The following SMOC2 variants were observed in gnomAD, a reference collection of about 807,000 sequenced individuals.
SMOC2 encodes the protein SPARC related modular calcium binding 2, also known as SPARC-related modular calcium-binding protein 2.
Under a neutral mutation model 61.4 loss-of-function variants are expected in SMOC2, and 39 were observed. The ratio of observed to expected loss-of-function variants is 0.64; its 90% CI spans 0.49 to 0.83. The LOEUF (loss-of-function observed/expected upper bound fraction) is 0.83. Ranked by LOEUF, SMOC2 falls within the 40% of genes least tolerant of loss-of-function variation. The probability of loss-of-function intolerance (pLI) is 0.00; values close to 1 mark genes in which losing one functional copy is unlikely to be tolerated. For synonymous variants in SMOC2, 247 were observed against 239.9 expected (o/e 1.03, Z -0.27); for missense variants, 556 against 592.9 (o/e 0.94, Z 0.65).
chr6:168,579,244 T>G (rs912864378), intron 7 of SMOC2, among the ~76,000 whole-genome samples: 1 of 142,304 alleles, frequency 7.0e-6, no homozygotes, highest in Non-Finnish European at 1.6e-5. Context: ...TGTTTCCTTT[T>G]TCTCATCTTA....
At chr6:168,595,062 G>T (rs867712968) in intron 7 of SMOC2, among the ~76,000 whole-genome samples, 6 of 88,536 alleles carry the variant, frequency 6.8e-5, no homozygotes, top group Admixed American at 2.4e-4. Context: ...CTAGAGGATG[G>T]CCGAGCTCCT....
chr6:168,558,141 T>C (rs572345659), intron 7 of SMOC2, among the ~76,000 whole-genome samples: 1 of 152,320 alleles, frequency 6.6e-6, no homozygotes, highest in African/African-American at 2.4e-5. Context: ...AGAAGCTCTC[T>C]CAGGCTCACA....
intron 7 of SMOC2, among the ~76,000 whole-genome samples, chr6:168,568,261 T>C (rs951050972): frequency 2.0e-5 from 3 of 152,212 alleles, no homozygotes; most frequent in African/African-American, 7.2e-5. Context: ...TCTTCTCATG[T>C]CTTCTCCTCA....
Position 168,465,793 on chromosome 6 carries a change from G to A in SMOC2, c.84+24339G>A, listed in dbSNP as rs371807484. Among the ~76,000 whole-genome samples the A allele has an allele frequency of 1.2e-3, 175 of 144,418 alleles. 3 individuals are homozygous for A. The South Asian group carries it at 0.038, about 32-fold the overall frequency. The allele number at this position is 144,418 out of a possible 152,430, so 94.7% of individuals were successfully genotyped here. A position where few individuals can be genotyped will look rare whatever the true frequency, so the allele number is the denominator to read the frequency against. The stretch of plus-strand genomic sequence containing the variant: ...TGCTGCTCTGAGAGCTGGAACTGGG[G>A]GCTCTGGATGAAGTGAGGTGCTGCT... On this transcript the variant is annotated intron_variant, in intron 1 of 12. Transcript: ENST00000356284.
intron 7 of SMOC2, among the ~76,000 whole-genome samples, chr6:168,581,964 C>G (rs562595175): frequency 6.6e-6 from 1 of 152,282 alleles, no homozygotes; most frequent in South Asian, 2.1e-4. Flanking sequence ...GTGGCCTGCC[C>G]CACCATCCCC....
At chr6:168,441,529 C>T (rs760809102) in intron 1 of SMOC2, 75 bp downstream of exon 1, 139 of 1,414,092 alleles carry the variant, frequency 9.8e-5, no homozygotes, top group Non-Finnish European at 1.2e-4. Context: ...GGTCCCCGCG[C>T]CCCGCTCCAG....
At position 168,628,960 on chromosome 6, in the gene SMOC2, C is replaced by T. The variant is rs141185839; in HGVS notation, c.907+20721C>T. ...CCCTGAGAGGGAAGGGCAGGGGGCC[C>T]GGGACATGGGCTGCGCAGGGGTTCC... is the stretch of plus-strand genomic sequence containing the variant. On this transcript the variant is annotated intron_variant, in intron 9 of 12. Coordinates refer to ENST00000356284, the MANE Select transcript of SMOC2 (RefSeq NM_001166412.2). Among the ~76,000 whole-genome samples the T allele has an allele frequency of 1.5e-3, 234 of 152,344 alleles. 1 individual carries two copies. Among genetic ancestry groups the T allele is most frequent in the African/African-American group, 5.2e-3 (215 of 41,594 alleles).
intron 7 of SMOC2, among the ~76,000 whole-genome samples, chr6:168,579,569 T>C (rs1784879559): frequency 6.6e-6 from 1 of 152,274 alleles, no homozygotes; most frequent in South Asian, 2.1e-4. Flanking sequence ...GTCGCATTTC[T>C]GTAGCACTTT....
chr6:168,664,146 G>A (rs748340441), intron 12 of SMOC2, 35 bp downstream of exon 12: 19 of 1,533,348 alleles, frequency 1.2e-5, no homozygotes, highest in South Asian at 3.4e-5. Context: ...TAACCATTTC[G>A]TTTTTAAATT....
intron 9 of SMOC2, 104 bp downstream of exon 9, chr6:168,608,343 G>A: frequency 3.0e-6 from 4 of 1,319,652 alleles, no homozygotes; most frequent in South Asian, 2.7e-5. Flanking sequence ...TTCCCAGGGG[G>A]CCTGTCTGAC....
intron 2 of SMOC2, among the ~76,000 whole-genome samples, chr6:168,518,981 ATGCGTGTGTATGCG>A (rs1158996880): frequency 3.1e-4 from 45 of 145,966 alleles, no homozygotes; most frequent in African/African-American, 1.1e-3. Context: ...GTGTGTATGC[ATGCGTGTGTATGCG>A]TGCATGTGTG....
intron 1 of SMOC2, among the ~76,000 whole-genome samples, chr6:168,495,358 C>G (rs1224820886): frequency 6.6e-6 from 1 of 152,238 alleles, no homozygotes; most frequent in Non-Finnish European, 1.5e-5. Context: ...CTGGCTGACG[C>G]CAGCCAGGGT....
In SMOC2 at chr6:168,523,079, A is replaced by ATTCTTTTTTTTTTTTTTTT. The variant is rs551183247; in HGVS notation, c.257-3265_257-3264insCTTTTTTTTTTTTTTTTTT. ...TTATGTTATTTGTAGTTGTACAGTA[A>ATTCTTTTTTTTTTTTTTTT]TTTTTTTTTTTTTTTTTTTTGAGAC... On this transcript the variant is annotated intron_variant, in intron 2 of 12. Transcript: ENST00000356284. Among the ~76,000 whole-genome samples, 42 of 93,694 alleles carry ATTCTTTTTTTTTTTTTTTT rather than the reference A, an allele frequency of 4.5e-4. 9 individuals are homozygous for ATTCTTTTTTTTTTTTTTTT. Among genetic ancestry groups the ATTCTTTTTTTTTTTTTTTT allele is most frequent in the East Asian group, 8.1e-4 (2 of 2,460 alleles). The allele number at this position is 93,694 out of a possible 152,430, so 61.5% of individuals were successfully genotyped here.
intron 4 of SMOC2, among the ~76,000 whole-genome samples, chr6:168,543,206 A>T (rs1014414835): frequency 6.6e-6 from 1 of 152,258 alleles, no homozygotes. Context: ...TCTATAAATC[A>T]GAATCAAGCT....
At chr6:168,505,043 G>C (rs181669763) in intron 1 of SMOC2, among the ~76,000 whole-genome samples, 1 of 151,652 alleles carries the variant, frequency 6.6e-6, no homozygotes, top group Non-Finnish European at 1.5e-5. Context: ...CTCAGATACC[G>C]GATGAATGAC....
Position 168,653,105 on chromosome 6 carries a change from T to G in SMOC2, c.1162T>G (p.Cys388Gly). 1.9e-6 allele frequency: 3 copies of G among 1,614,102 alleles called. No individual in the cohort carries two copies. The highest frequency in any genetic ancestry group is 2.5e-6 in the Non-Finnish European group (3 of 1,180,018). Residue 388 changes from cysteine (C) to glycine (G), a missense_variant, in exon 11 of 13, where the codon TGT becomes GGT. By Grantham distance (159) the Cys-to-Gly change is radical. Coordinates refer to ENST00000356284, the MANE Select transcript of SMOC2 (RefSeq NM_001166412.2). Reference sequence around the variant, plus strand: ...TCGCAAAAAATCAAAGCCCAAAAAATGTGTGAAGAAGTTTGTTGAATACTG... The same window carrying G: ...TCGCAAAAAATCAAAGCCCAAAAAAGGTGTGAAGAAGTTTGTTGAATACTG... ...FLRKKSKPKK[C>G]VKKFVEYCDV...
At chr6:168,446,612 G>A (rs1441032350) in intron 1 of SMOC2, among the ~76,000 whole-genome samples, 2 of 152,114 alleles carry the variant, frequency 1.3e-5, no homozygotes, top group African/African-American at 4.8e-5. Context: ...CTCACAAGAG[G>A]GAAGATTTAT....
intron 4 of SMOC2, among the ~76,000 whole-genome samples, chr6:168,529,462 A>T (rs1321854196): frequency 6.6e-6 from 1 of 152,212 alleles, no homozygotes; most frequent in Non-Finnish European, 1.5e-5. Context: ...TTGGCAGGAC[A>T]AGCGTCCTTC....
chr6:168,451,840 A>G (rs1331204193), intron 1 of SMOC2, among the ~76,000 whole-genome samples: 1 of 152,194 alleles, frequency 6.6e-6, no homozygotes, highest in African/African-American at 2.4e-5. Context: ...TCATTTAGAG[A>G]TAAAACCCAG....
Sources: gnomAD v4.1 joint callset for allele counts (sites outside exome capture counted in the v4.1 genomes callset) on GRCh38, gnomAD v4.1.1 for gene constraint, MANE v1.5 for transcripts, NCBI Gene and HGNC (gene_info 2026-07-23, HGNC 2026-07-21) for gene names.